IPO11: variants seen among roughly 807,000 people sequenced by gnomAD.
IPO11 encodes importin 11.
In IPO11, 66 loss-of-function variants were observed where a neutral mutation model predicts 143.2. The observed-to-expected ratio is 0.46, with a 90% CI of 0.38 to 0.57. IPO11 has a LOEUF of 0.57. IPO11 is among the 20% of genes least tolerant of loss of function. The pLI, the probability that IPO11 is intolerant of heterozygous loss-of-function variation, is 0.00. For synonymous variants in IPO11, 385 were observed against 377.8 expected (o/e 1.02, Z -0.22); for missense variants, 1,026 against 1,141.0 (o/e 0.90, Z 1.45).
chr5:62,481,944 T>C (rs533195274), intron 9 of IPO11, among the ~76,000 whole-genome samples: 2 of 152,332 alleles, frequency 1.3e-5, no homozygotes, highest in East Asian at 3.9e-4. Flanking sequence ...TGGTAAGCTA[T>C]TGATTATTGC....
At chr5:62,572,084 C>T (rs1265760671) in intron 27 of IPO11, among the ~76,000 whole-genome samples, 1 of 152,226 alleles carries the variant, frequency 6.6e-6, no homozygotes, top group East Asian at 1.9e-4. Flanking sequence ...CTATCTTACT[C>T]TTAATGTCTT....
chr5:62,527,081 T>TATG (rs1328000571), intron 21 of IPO11, among the ~76,000 whole-genome samples: 3 of 151,786 alleles, frequency 2.0e-5, no homozygotes, highest in Non-Finnish European at 4.4e-5. Flanking sequence ...TTTATCAGAA[T>TATG]ATGAGATGAA....
intron 3 of IPO11, 59 bp from the exon 4 acceptor site, chr5:62,449,868 C>T (rs754977739): frequency 9.2e-7 from 1 of 1,087,148 alleles, no homozygotes; most frequent in Admixed American, 2.4e-5. Context: ...GTAATGCTTA[C>T]CTACATTTAT....
intron 13 of IPO11, among the ~76,000 whole-genome samples, chr5:62,488,716 G>A (rs1459149877): frequency 2.6e-5 from 4 of 152,134 alleles, no homozygotes; most frequent in African/African-American, 9.7e-5. Flanking sequence ...GTCAGAATGA[G>A]TGTTGGCCAG....
intron 27 of IPO11, among the ~76,000 whole-genome samples, chr5:62,585,846 G>T (rs1384750402): frequency 6.6e-6 from 1 of 152,180 alleles, no homozygotes; most frequent in South Asian, 2.1e-4. Flanking sequence ...GACAGAATTT[G>T]TTGATGAATT....
intron 2 of IPO11, among the ~76,000 whole-genome samples, chr5:62,440,606 C>G (rs1039287734): frequency 6.6e-6 from 1 of 151,952 alleles, no homozygotes; most frequent in Non-Finnish European, 1.5e-5. Context: ...ATCTGCCCAC[C>G]TCGGCCTCCC....
chr5:62,426,931 G>GTTTTTTTT lies in IPO11; in HGVS notation c.-6-10327_-6-10320dup, dbSNP rs763031944. Among the ~76,000 whole-genome samples the GTTTTTTTT allele has an allele frequency of 4.3e-3, 390 of 90,232 alleles. 3 individuals are homozygous for GTTTTTTTT. The highest frequency in any genetic ancestry group is 5.7e-3 in the Non-Finnish European group (277 of 48,496). 59.2% of individuals were successfully genotyped at this position (90,232 alleles called of 152,430 possible). ...CAAAATGCACTTCTTTTTTCTTTCT[G>GTTTTTTTT]TTTTTTTTTTTTTTTTTTTTTTTGA... On this transcript the variant is annotated intron_variant, in intron 1 of 29. Coordinates refer to ENST00000325324, the MANE Select transcript of IPO11 (RefSeq NM_016338.5).
At chr5:62,511,174 A>G (rs1254873168) in intron 19 of IPO11, among the ~76,000 whole-genome samples, 1 of 152,110 alleles carries the variant, frequency 6.6e-6, no homozygotes, top group Non-Finnish European at 1.5e-5. Context: ...TTATTACCCT[A>G]TTTGTAATTT....
intron 4 of IPO11, among the ~76,000 whole-genome samples, chr5:62,450,493 A>T (rs1390996882): frequency 6.6e-6 from 1 of 152,240 alleles, no homozygotes; most frequent in East Asian, 1.9e-4. Context: ...AAAGTATAGC[A>T]TATACAACTA....
At chr5:62,487,991 A>G (rs1380146906) in intron 13 of IPO11, 130 bp downstream of exon 13, 27 of 743,368 alleles carry the variant, frequency 3.6e-5, no homozygotes, top group South Asian at 2.5e-5. Flanking sequence ...GAGAAAAACA[A>G]TTTTAAAACT....
At chr5:62,457,095 A>C (rs866344903) in intron 5 of IPO11, among the ~76,000 whole-genome samples, 10 of 152,232 alleles carry the variant, frequency 6.6e-5, no homozygotes, top group Admixed American at 3.3e-4. Context: ...TGGGGGGGAA[A>C]ATATCTGCCA....
intron 20 of IPO11, among the ~76,000 whole-genome samples, chr5:62,516,068 C>T (rs1742003479): frequency 1.3e-5 from 2 of 152,144 alleles, no homozygotes; most frequent in African/African-American, 2.4e-5. Context: ...TAGGGAAGAG[C>T]TCAAGGCCGT....
intron 27 of IPO11, chr5:62,579,073 T>A: frequency 7.8e-6 from 2 of 257,382 alleles, no homozygotes; most frequent in Non-Finnish European, 1.5e-5. Flanking sequence ...TTAGACTTTA[T>A]GTTGTTAAAG....
chr5:62,490,107 C>A lies in IPO11; in HGVS notation c.1358-8C>A. On this transcript the variant is annotated splice_polypyrimidine_tract_variant and splice_region_variant and intron_variant, in intron 14 of 29. Coordinates refer to ENST00000325324, the MANE Select transcript of IPO11 (RefSeq NM_016338.5). ...CCTTTAATTTTTTTTCTTAAATTTT[C>A]TTCTCAGTGTATAATGCTGTTGGAT... 1 of 1,523,550 alleles carries A rather than the reference C, an allele frequency of 6.6e-7. No homozygotes were observed. The highest frequency in any genetic ancestry group is 8.8e-7 in the Non-Finnish European group (1 of 1,136,084). 94.4% of individuals were successfully genotyped at this position (1,523,550 alleles called of 1,614,324 possible).
chr5:62,495,604 A>G (rs1741104806), intron 16 of IPO11, among the ~76,000 whole-genome samples: 1 of 151,970 alleles, frequency 6.6e-6, no homozygotes, highest in African/African-American at 2.4e-5. Flanking sequence ...CCTCCCAGGT[A>G]TCTGGGACTA....
intron 1 of IPO11, among the ~76,000 whole-genome samples, chr5:62,416,697 AC>A (rs1241079989): frequency 1.3e-5 from 2 of 149,532 alleles, no homozygotes; most frequent in African/African-American, 4.9e-5. Context: ...ATTTAAGCAT[AC>A]CCAAGTCTCT....
intron 16 of IPO11, among the ~76,000 whole-genome samples, chr5:62,501,951 C>T (rs1183122708): frequency 6.6e-6 from 1 of 152,172 alleles, no homozygotes; most frequent in African/African-American, 2.4e-5. Context: ...CTGTTTTAGT[C>T]TGTGGACTGC....
intron 28 of IPO11, 87 bp downstream of exon 28, chr5:62,591,759 G>A (rs2112428350): frequency 2.6e-6 from 2 of 764,450 alleles, no homozygotes; most frequent in Non-Finnish European, 4.2e-6. Flanking sequence ...CACTCTATAA[G>A]CACAGTATGA....
At chr5:62,578,379 T>C (rs2112398226) in intron 27 of IPO11, among the ~76,000 whole-genome samples, 1 of 152,194 alleles carries the variant, frequency 6.6e-6, no homozygotes, top group East Asian at 1.9e-4. Flanking sequence ...AGTTTAAGTC[T>C]TCAATGCGTA....
Sources: gnomAD v4.1 joint callset for allele counts (sites outside exome capture counted in the v4.1 genomes callset) on GRCh38, gnomAD v4.1.1 for gene constraint, MANE v1.5 for transcripts, NCBI Gene and HGNC (gene_info 2026-07-23, HGNC 2026-07-21) for gene names.